Variants in EXOC6B observed in about 807,000 individuals in gnomAD.
EXOC6B encodes the protein SEC15 homolog B.
EXOC6B carries 54 observed loss-of-function variants against 113.5 expected under a neutral mutation model. The ratio of observed to expected loss-of-function variants is 0.48; its 90% CI spans 0.38 to 0.60. EXOC6B has a LOEUF of 0.60. Among genes scored for constraint, EXOC6B ranks in the 20% least tolerant of loss-of-function variants. The pLI, the probability that EXOC6B is intolerant of heterozygous loss-of-function variation, is 0.00. For missense variants in EXOC6B, 797 were observed against 977.5 expected (o/e 0.82, Z 2.46); for synonymous variants, 357 against 339.0 (o/e 1.05, Z -0.58).
rs1304407440 is a variant in EXOC6B, at chr2:72,563,796, C to G, written c.847-4275G>C. On this transcript the variant is annotated intron_variant, in intron 7 of 21. Transcript: ENST00000272427. ...TCTTAGTTCAGGTAAAAGAAAGTCTCTAAGAACGGAAAAGTAAATGGTTAA... is the reference window on the plus strand; with the variant it reads ...TCTTAGTTCAGGTAAAAGAAAGTCTGTAAGAACGGAAAAGTAAATGGTTAA... Among the ~76,000 whole-genome samples, 3 of 151,966 alleles carry G rather than the reference C, an allele frequency of 2.0e-5. No individual in the cohort carries two copies. The South Asian group carries it at 6.2e-4, about 32-fold the overall frequency.
At position 72,498,465 on chromosome 2, in the gene EXOC6B, T is replaced by C; in HGVS notation, c.1326A>G (p.Ala442=). ...AGATAATTTCTCACCTGAAAATACC[T>C]GCCCACTTCTTTAGCAGAGTTTCAC... ...QYSETLLKKW[A]GIFRNILDSD... is the part of the protein sequence containing the mutation. The change falls in exon 13 of 22, where the codon GCA becomes GCG. Residue 442 remains alanine (A), a synonymous_variant. Coordinates refer to ENST00000272427, the MANE Select transcript of EXOC6B (RefSeq NM_015189.3). The C allele has an allele frequency of 6.2e-7, 1 of 1,609,342 alleles. No homozygotes were observed. The highest frequency in any genetic ancestry group is 8.5e-7 in the Non-Finnish European group (1 of 1,177,694).
chr2:72,825,244 AG>A lies in EXOC6B; in HGVS notation c.113+553del, dbSNP rs1686832358. Among the ~76,000 whole-genome samples, 1 of 152,004 alleles carries A rather than the reference AG, an allele frequency of 6.6e-6. No individual in the cohort carries two copies. Among genetic ancestry groups the A allele is most frequent in the African/African-American group, 2.4e-5 (1 of 41,370 alleles). The stretch of plus-strand genomic sequence containing the variant: ...GGCGAGGGTCGTCCTCGTAACAGGG[AG>A]GCAGGGATAAAGGAGCAGCGGCTCC... On this transcript the variant is annotated intron_variant, in intron 1 of 21. Coordinates refer to ENST00000272427, the MANE Select transcript of EXOC6B (RefSeq NM_015189.3). The surrounding 1 kb of genome is among the most constrained non-coding windows in gnomAD (Gnocchi z 4.4).
At chr2:72,641,960 C>T (rs1303991080) in intron 6 of EXOC6B, among the ~76,000 whole-genome samples, 1 of 152,240 alleles carries the variant, frequency 6.6e-6, no homozygotes, top group Non-Finnish European at 1.5e-5. Flanking sequence ...CGGAGTGGAC[C>T]TCCAGCAAAC....
intron 6 of EXOC6B, among the ~76,000 whole-genome samples, chr2:72,603,781 G>A (rs1250054155): frequency 1.3e-5 from 2 of 152,084 alleles, no homozygotes; most frequent in Non-Finnish European, 2.9e-5. Flanking sequence ...GAAAACTGGA[G>A]GTTGAGCCAG....
chr2:72,601,112 ATGTGTGTGTG>A (rs1301404255), intron 6 of EXOC6B, among the ~76,000 whole-genome samples: 1 of 141,570 alleles, frequency 7.1e-6, no homozygotes, highest in Admixed American at 7.3e-5. Flanking sequence ...ATATATATAT[ATGTGTGTGTG>A]TATGTGTGTG....
chr2:72,641,365 T>C (rs904294037), intron 6 of EXOC6B, among the ~76,000 whole-genome samples: 3 of 152,212 alleles, frequency 2.0e-5, no homozygotes, highest in African/African-American at 7.2e-5. Flanking sequence ...ACCCAAATAC[T>C]GTGCTTTTCC....
chr2:72,227,667 C>G (rs993195029), intron 20 of EXOC6B, among the ~76,000 whole-genome samples: 3 of 152,124 alleles, frequency 2.0e-5, no homozygotes, highest in African/African-American at 7.2e-5. Context: ...TTTCAAGGAT[C>G]CATGGAGCAT....
At chr2:72,237,190 G>A (rs1188879875) in intron 20 of EXOC6B, among the ~76,000 whole-genome samples, 1 of 152,128 alleles carries the variant, frequency 6.6e-6, no homozygotes, top group Admixed American at 6.6e-5. Context: ...GTTATATGAG[G>A]CTGTGGGAAT....
At chr2:72,350,787 A>C (rs1311136746) in intron 19 of EXOC6B, among the ~76,000 whole-genome samples, 2 of 152,184 alleles carry the variant, frequency 1.3e-5, no homozygotes. Flanking sequence ...TAGTTTGAGG[A>C]AAAGGAAATG....
At chr2:72,759,488 T>C (rs988190260) in intron 1 of EXOC6B, among the ~76,000 whole-genome samples, 1 of 152,216 alleles carries the variant, frequency 6.6e-6, no homozygotes, top group Non-Finnish European at 1.5e-5. Context: ...TACAATTTAC[T>C]ACTATTAACT....
At chr2:72,523,861 G>GT (rs1455177205) in intron 8 of EXOC6B, among the ~76,000 whole-genome samples, 1 of 151,132 alleles carries the variant, frequency 6.6e-6, no homozygotes, top group Non-Finnish European at 1.5e-5. Context: ...CTATTTCCTG[G>GT]TAGACATTGG....
In EXOC6B at chr2:72,825,964, C is replaced by T. The variant is rs1029831944; in HGVS notation, c.-54G>A. On this transcript the variant is annotated 5_prime_UTR_variant, in exon 1 of 22. Transcript: ENST00000272427. This position sits in a 1 kb window ranked among gnomAD's most constrained non-coding sequence, Gnocchi z 4.4. ...CTCCGTCGGCTCGGCTCACCTTTTC[C>T]CTGCCCCACAATGCCGCTCCCACCA... 1.9e-6 allele frequency: 3 copies of T among 1,595,468 alleles called. No homozygotes were observed. The highest frequency in any genetic ancestry group is 2.2e-5 in the East Asian group (1 of 44,524).
chr2:72,309,175 A>G (rs1210020151), intron 20 of EXOC6B, among the ~76,000 whole-genome samples: 2 of 152,140 alleles, frequency 1.3e-5, no homozygotes, highest in African/African-American at 4.8e-5. Context: ...TTAATCCTAA[A>G]TGACCACCTA....
chr2:72,257,148 C>T (rs1683397571), intron 20 of EXOC6B, among the ~76,000 whole-genome samples: 1 of 152,144 alleles, frequency 6.6e-6, no homozygotes, highest in Non-Finnish European at 1.5e-5. Flanking sequence ...CCAGGTGAAA[C>T]AGGTATCATT....
At chr2:72,238,625 G>A (rs1388722725) in intron 20 of EXOC6B, among the ~76,000 whole-genome samples, 1 of 151,888 alleles carries the variant, frequency 6.6e-6, no homozygotes, top group Admixed American at 6.6e-5. Flanking sequence ...ATCTCTCTTG[G>A]TTTTTATTTT....
rs114895574 is a variant in EXOC6B, at chr2:72,225,990, G to A, written c.2197-41803C>T. 7.9e-3 allele frequency among the ~76,000 whole-genome samples: 1,210 copies of A among 152,236 alleles called. 11 individuals are homozygous for A. Among genetic ancestry groups the A allele is most frequent in the African/African-American group, 0.027 (1,128 of 41,542 alleles). On this transcript the variant is annotated intron_variant, in intron 20 of 21. Coordinates refer to ENST00000272427, the MANE Select transcript of EXOC6B (RefSeq NM_015189.3). Reference sequence around the variant, plus strand: ...TTTATAGTACTACAGCAACAACCGCGTATGTGACTCTCTCGCCACACCCTA... The same window carrying A: ...TTTATAGTACTACAGCAACAACCGCATATGTGACTCTCTCGCCACACCCTA...
At chr2:72,254,804 T>C (rs1229965735) in intron 20 of EXOC6B, among the ~76,000 whole-genome samples, 1 of 152,056 alleles carries the variant, frequency 6.6e-6, no homozygotes, top group Non-Finnish European at 1.5e-5. Context: ...TACAGTTGAG[T>C]AGAAAGTAGA....
At chr2:72,337,525 A>G (rs1345161597) in intron 19 of EXOC6B, among the ~76,000 whole-genome samples, 1 of 152,176 alleles carries the variant, frequency 6.6e-6, no homozygotes, top group Non-Finnish European at 1.5e-5. Flanking sequence ...TAATAGATTA[A>G]GCTGATGAAA....
At chr2:72,669,209 G>A (rs1384065299) in intron 6 of EXOC6B, among the ~76,000 whole-genome samples, 2 of 152,020 alleles carry the variant, frequency 1.3e-5, no homozygotes, top group Non-Finnish European at 2.9e-5. Flanking sequence ...AGTATCTCAA[G>A]AACAAGACAG....
Sources: gnomAD v4.1 joint callset for allele counts (sites outside exome capture counted in the v4.1 genomes callset) on GRCh38, gnomAD v4.1.1 for gene constraint, Gnocchi (gnomAD v3.1) non-coding constraint, MANE v1.5 for transcripts, NCBI Gene and HGNC (gene_info 2026-07-23, HGNC 2026-07-21) for gene names.